The following ADGRL3 variants were observed in gnomAD, a reference collection of about 807,000 sequenced individuals.
ADGRL3 encodes adhesion G protein-coupled receptor L3.
Under a neutral mutation model 153.5 loss-of-function variants are expected in ADGRL3, and 62 were observed. The ratio of observed to expected loss-of-function variants is 0.40; its 90% confidence interval spans 0.33 to 0.50. The LOEUF is 0.50. ADGRL3 is among the 20% of genes least tolerant of loss of function. The pLI is 0.47. For synonymous variants in ADGRL3, 710 were observed against 672.5 expected, an observed-to-expected ratio of 1.06 and a Z score of -0.86; for missense variants, 1,641 against 1,859.4, an observed-to-expected ratio of 0.88 and a Z score of 2.16.
intron 6 of ADGRL3, among the ~76,000 whole-genome samples, chr4:61,716,297 T>C (rs1027818090): frequency 2.0e-5 from 3 of 152,138 alleles, no homozygotes; most frequent in African/African-American, 7.2e-5. Context: ...TAAATTTTCC[T>C]GAGTACATAT....
intron 5 of ADGRL3, among the ~76,000 whole-genome samples, chr4:61,637,191 A>G (rs1190874463): frequency 6.6e-6 from 1 of 152,150 alleles, no homozygotes; most frequent in Non-Finnish European, 1.5e-5. Flanking sequence ...ATTAGTTAAG[A>G]TAAGGTCATA....
chr4:61,770,968 C>G (rs904328699), intron 8 of ADGRL3, among the ~76,000 whole-genome samples: 3 of 152,076 alleles, frequency 2.0e-5, no homozygotes, highest in African/African-American at 7.2e-5. Context: ...AATAATTAGG[C>G]ACAAGGTCAT....
chr4:62,040,343 A>G (rs1356031005), intron 24 of ADGRL3, among the ~76,000 whole-genome samples: 1 of 151,996 alleles, frequency 6.6e-6, no homozygotes, highest in Non-Finnish European at 1.5e-5. Context: ...CTTGGAAAAT[A>G]ATTTACATTT....
intron 1 of ADGRL3, among the ~76,000 whole-genome samples, chr4:61,285,855 G>C (rs2093919676): frequency 6.6e-6 from 1 of 151,732 alleles, no homozygotes; most frequent in Admixed American, 6.6e-5. Flanking sequence ...TTACTTGACA[G>C]CTTTGACATA....
chr4:61,552,669 GC>G (rs1300115555), intron 4 of ADGRL3, among the ~76,000 whole-genome samples: 1 of 151,900 alleles, frequency 6.6e-6, no homozygotes, highest in Non-Finnish European at 1.5e-5. Context: ...GGGTCTCCCT[GC>G]ATTGCCCAGA....
chr4:61,710,897 A>G (rs1223562664), intron 6 of ADGRL3, among the ~76,000 whole-genome samples: 2 of 152,204 alleles, frequency 1.3e-5, no homozygotes, highest in African/African-American at 4.8e-5. Flanking sequence ...CTGTACTTCA[A>G]CTGGTATCTC....
chr4:61,271,384 T>C (rs2093170733), intron 1 of ADGRL3, among the ~76,000 whole-genome samples: 1 of 151,990 alleles, frequency 6.6e-6, no homozygotes, highest in Admixed American at 6.6e-5. Flanking sequence ...AAGAGTTTTG[T>C]TAAGATTTCT....
intron 9 of ADGRL3, among the ~76,000 whole-genome samples, chr4:61,834,035 T>C (rs186675077): frequency 0.037 from 5,593 of 150,524 alleles, 159 homozygotes; most frequent in Middle Eastern, 0.086. Flanking sequence ...TACATATGTA[T>C]ACATGTGCCA....
chr4:61,266,842 A>G (rs2092876261), intron 1 of ADGRL3, among the ~76,000 whole-genome samples: 1 of 151,752 alleles, frequency 6.6e-6, no homozygotes, highest in Non-Finnish European at 1.5e-5. Context: ...TCATTCTTTA[A>G]TAGTAAAATC....
rs778904904 is a variant in ADGRL3 at position 62,076,761 on chromosome 4, A to G, written c.*5853A>G. On this transcript the variant is annotated 3_prime_UTR_variant, in exon 27 of 27. Coordinates refer to ENST00000683033, the MANE Select transcript of ADGRL3 (RefSeq NM_001387552.1). ...AATATTTTATAAATGTTTCTTAAAT[A>G]TAAGTATTTTGTCTGAATTCATCTT... 1 of 151,886 alleles carries G rather than the reference A, an allele frequency of 6.6e-6. No individual in the cohort carries two copies. Among genetic ancestry groups the G allele is most frequent in the Non-Finnish European group, 1.5e-5 (1 of 67,878 alleles). The allele number at this position is 151,886 out of a possible 1,614,324, so 9.4% of individuals were successfully genotyped here. A position where few individuals can be genotyped will look rare whatever the true frequency, so the allele number is the denominator to read the frequency against.
At chr4:61,509,419 C>A (rs145635840) in intron 3 of ADGRL3, among the ~76,000 whole-genome samples, 4 of 152,076 alleles carry the variant, frequency 2.6e-5, no homozygotes, top group Non-Finnish European at 5.9e-5. Flanking sequence ...TGAACCACTG[C>A]GCCTGGCACA....
intron 23 of ADGRL3, among the ~76,000 whole-genome samples, chr4:62,037,392 CA>C (rs1438607655): frequency 6.6e-6 from 1 of 151,986 alleles, no homozygotes; most frequent in Admixed American, 6.6e-5. Flanking sequence ...TACTTTATAT[CA>C]AATTTATGAA....
At chr4:61,390,666 T>C (rs1050608614) in intron 2 of ADGRL3, among the ~76,000 whole-genome samples, 4 of 152,238 alleles carry the variant, frequency 2.6e-5, no homozygotes, top group African/African-American at 9.6e-5. Context: ...CCTTTCCATC[T>C]GTATTTATGC....
chr4:61,758,093 T>G (rs996631753), intron 8 of ADGRL3, among the ~76,000 whole-genome samples: 1 of 152,198 alleles, frequency 6.6e-6, no homozygotes, highest in Non-Finnish European at 1.5e-5. Flanking sequence ...AGAATGTATA[T>G]TCTATTGATT....
At chr4:61,558,779 A>C (rs2098781129) in intron 4 of ADGRL3, among the ~76,000 whole-genome samples, 1 of 152,032 alleles carries the variant, frequency 6.6e-6, no homozygotes, top group Admixed American at 6.6e-5. Context: ...AAAATCTCTT[A>C]AAATTCCTCC....
chr4:61,540,830 C>A (rs2098686499), intron 4 of ADGRL3, among the ~76,000 whole-genome samples: 1 of 152,036 alleles, frequency 6.6e-6, no homozygotes, highest in African/African-American at 2.4e-5. Flanking sequence ...CTACTTTTTA[C>A]TACCTGATTA....
intron 8 of ADGRL3, among the ~76,000 whole-genome samples, chr4:61,803,733 A>G (rs1041165996): frequency 3.3e-5 from 5 of 152,152 alleles, no homozygotes; most frequent in African/African-American, 1.2e-4. Flanking sequence ...TGGCATAACT[A>G]TGAAATGATA....
At chr4:62,044,708 A>T (rs990249358) in intron 25 of ADGRL3, among the ~76,000 whole-genome samples, 159 bp downstream of exon 25, 1 of 152,114 alleles carries the variant, frequency 6.6e-6, no homozygotes, top group African/African-American at 2.4e-5. Flanking sequence ...TCCATTATTC[A>T]TAAGCTACTT....
intron 8 of ADGRL3, among the ~76,000 whole-genome samples, chr4:61,744,520 C>A (rs1266566242): frequency 1.3e-5 from 2 of 152,118 alleles, no homozygotes; most frequent in East Asian, 3.9e-4. Context: ...GACAAAAATT[C>A]CAGAGGAGCT....
Sources: gnomAD v4.1 joint callset for allele counts (sites outside exome capture counted in the v4.1 genomes callset) on GRCh38, gnomAD v4.1.1 for gene constraint, MANE v1.5 for transcripts, NCBI Gene and HGNC (gene_info 2026-07-23, HGNC 2026-07-21) for gene names.